Variants in ORC5 observed in about 807,000 individuals in gnomAD.
ORC5 encodes the protein protein phosphatase 1, regulatory subunit 117.
Under a neutral mutation model 58.8 loss-of-function variants are expected in ORC5, and 39 were observed. The observed-to-expected ratio is 0.66, with a 90% CI of 0.51 to 0.87. The LOEUF is 0.87. Among genes scored for constraint, ORC5 ranks in the 40% least tolerant of loss-of-function variants. The pLI is 0.00. For missense variants in ORC5, 493 were observed against 506.3 expected (o/e 0.97, Z 0.25); for synonymous variants, 218 against 177.6 (o/e 1.23, Z -1.81).
chr7:104,166,762 T>C lies in ORC5; in HGVS notation c.990+10A>G. On this transcript the variant is annotated intron_variant, in intron 10 of 13. Transcript: ENST00000297431. ...AAAAAATAAAGTGAAAAGAAGTATG[T>C]TATTATTACCTTAAGAAAAAACCTC... 3 of 1,392,240 alleles carry C rather than the reference T, an allele frequency of 2.2e-6. No individual in the cohort carries two copies. Among genetic ancestry groups the C allele is most frequent in the Non-Finnish European group, 3.0e-6 (3 of 991,042 alleles). The allele number at this position is 1,392,240 out of a possible 1,614,324, so 86.2% of individuals were successfully genotyped here. A position where few individuals can be genotyped will look rare whatever the true frequency, so the allele number is the denominator to read the frequency against.
chr7:104,205,294 T>A (rs1276897693), intron 1 of ORC5, among the ~76,000 whole-genome samples: 3 of 151,992 alleles, frequency 2.0e-5, no homozygotes, highest in African/African-American at 7.2e-5. Flanking sequence ...TTCACCATGT[T>A]GGTCAGGCTG....
chr7:104,156,731 T>C (rs1374076299), intron 12 of ORC5, among the ~76,000 whole-genome samples: 1 of 151,878 alleles, frequency 6.6e-6, no homozygotes, highest in Non-Finnish European at 1.5e-5. Flanking sequence ...AGACACATTA[T>C]AACTAATAAA....
intron 8 of ORC5, among the ~76,000 whole-genome samples, chr7:104,168,972 C>T (rs1799158711): frequency 6.6e-6 from 1 of 152,148 alleles, no homozygotes; most frequent in South Asian, 2.1e-4. Context: ...CTCCCAGCTA[C>T]TTGGGTGGCT....
intron 4 of ORC5, among the ~76,000 whole-genome samples, chr7:104,197,455 C>T (rs996672617): frequency 1.3e-5 from 2 of 152,016 alleles, no homozygotes; most frequent in Non-Finnish European, 2.9e-5. Context: ...GGCCCTCTGC[C>T]ATTTATTCTA....
Position 104,126,785 on chromosome 7 carries a change from G to C in ORC5, c.*63C>G. The C allele has an allele frequency of 1.6e-6, 2 of 1,261,668 alleles. No homozygotes were observed. The highest frequency in any genetic ancestry group is 2.3e-6 in the Non-Finnish European group (2 of 882,468). 78.2% of individuals were successfully genotyped at this position (1,261,668 alleles called of 1,614,324 possible). On this transcript the variant is annotated 3_prime_UTR_variant, in exon 14 of 14. Transcript: ENST00000297431. The stretch of plus-strand genomic sequence containing the variant: ...ACTCCTCTCCTTGGCCAGCTAAGTA[G>C]CTGGATGAACACAGCTTGGCTTAGT...
chr7:104,206,059 G>A (rs1391167396), intron 1 of ORC5, among the ~76,000 whole-genome samples: 1 of 152,134 alleles, frequency 6.6e-6, no homozygotes, highest in African/African-American at 2.4e-5. Flanking sequence ...ATGTTGCTGA[G>A]TATCTCTGCT....
chr7:104,149,497 A>G (rs1798810994), intron 12 of ORC5, among the ~76,000 whole-genome samples: 1 of 152,020 alleles, frequency 6.6e-6, no homozygotes, highest in South Asian at 2.1e-4. Context: ...CTCTTTTTCA[A>G]AGTCAGGATT....
intron 12 of ORC5, among the ~76,000 whole-genome samples, chr7:104,153,886 G>A (rs978800164): frequency 6.6e-6 from 1 of 151,992 alleles, no homozygotes; most frequent in African/African-American, 2.4e-5. Context: ...GATTTCTAGT[G>A]TTATCTGACT....
chr7:104,182,414 C>T (rs1799453301), intron 8 of ORC5, among the ~76,000 whole-genome samples: 1 of 152,120 alleles, frequency 6.6e-6, no homozygotes, highest in South Asian at 2.1e-4. Flanking sequence ...TGAAATTTTA[C>T]AATTAGCAGC....
At chr7:104,162,591 G>GT (rs1584494653) in intron 11 of ORC5, among the ~76,000 whole-genome samples, 1 of 152,146 alleles carries the variant, frequency 6.6e-6, no homozygotes, top group Non-Finnish European at 1.5e-5. Context: ...ATACAATGAA[G>GT]TTTTTACCTC....
chr7:104,159,596 C>CACGT (rs1798990206), intron 12 of ORC5, among the ~76,000 whole-genome samples: 1 of 150,462 alleles, frequency 6.6e-6, no homozygotes, highest in Admixed American at 6.6e-5. Flanking sequence ...AAAGAAAAAA[C>CACGT]ATGTACTATC....
At chr7:104,163,809 C>T (rs942828385) in intron 11 of ORC5, among the ~76,000 whole-genome samples, 1 of 152,188 alleles carries the variant, frequency 6.6e-6, no homozygotes, top group Admixed American at 6.5e-5. Flanking sequence ...CTTTTTACTA[C>T]AAGCATAGCT....
chr7:104,197,024 C>A (rs1043140337), intron 4 of ORC5, among the ~76,000 whole-genome samples: 1 of 152,130 alleles, frequency 6.6e-6, no homozygotes, highest in African/African-American at 2.4e-5. Context: ...CCTAGTAAGT[C>A]CGCCCCTGTC....
intron 12 of ORC5, among the ~76,000 whole-genome samples, chr7:104,144,067 T>C (rs1403142404): frequency 1.3e-5 from 2 of 151,936 alleles, no homozygotes; most frequent in African/African-American, 4.8e-5. Context: ...TGCAGTGAGC[T>C]GAGATCGCAC....
At chr7:104,200,727 A>C in intron 3 of ORC5, 31 bp downstream of exon 3, 1 of 1,294,346 alleles carries the variant, frequency 7.7e-7, no homozygotes, top group Non-Finnish European at 1.1e-6. Flanking sequence ...TTTCAAGATA[A>C]GAGATGATCT....
chr7:104,144,825 T>G (rs1798730096), intron 12 of ORC5, among the ~76,000 whole-genome samples: 1 of 152,216 alleles, frequency 6.6e-6, no homozygotes, highest in South Asian at 2.1e-4. Context: ...CTTTAAATGT[T>G]CATGACAATA....
intron 12 of ORC5, among the ~76,000 whole-genome samples, chr7:104,160,428 TC>T: frequency 6.6e-6 from 1 of 152,354 alleles, no homozygotes. Flanking sequence ...TTTTGCTTTT[TC>T]TTCTATCCAC....
rs955347705 is a variant in ORC5 at position 104,138,126 on chromosome 7, G to A, written c.1150-1233C>T. On this transcript the variant is annotated intron_variant, in intron 12 of 13. Coordinates refer to ENST00000297431, the MANE Select transcript of ORC5 (RefSeq NM_002553.4). This position sits in a 1 kb window ranked among gnomAD's most constrained non-coding sequence, Gnocchi z 4.7. ...ACTGAAGAAGCAAGCCACTACCCCT[G>A]GAAGGGGGACAAGGGAACTTTTCCT... Among the ~76,000 whole-genome samples the A allele has an allele frequency of 2.0e-5, 3 of 152,194 alleles. No individual in the cohort carries two copies. Among genetic ancestry groups the A allele is most frequent in the African/African-American group, 7.2e-5 (3 of 41,450 alleles).
chr7:104,144,331 A>C (rs367938975), intron 12 of ORC5, among the ~76,000 whole-genome samples: 3 of 152,206 alleles, frequency 2.0e-5, no homozygotes, highest in African/African-American at 7.2e-5. Context: ...AAACTTTAAA[A>C]ATTATTTCTA....
Sources: allele counts gnomAD v4.1 joint callset (sites outside exome capture counted in the v4.1 genomes callset), GRCh38; gene constraint gnomAD v4.1.1; non-coding constraint Gnocchi (gnomAD v3.1); transcripts MANE v1.5; gene names NCBI Gene and HGNC (gene_info 2026-07-23, HGNC 2026-07-21).